Variants in PRKG1 observed in about 807,000 individuals in gnomAD.
The protein encoded by PRKG1 is protein kinase cGMP-dependent 1.
PRKG1 carries 35 observed loss-of-function variants against 88.1 expected under a neutral mutation model. The ratio of observed to expected loss-of-function variants is 0.40; its 90% confidence interval spans 0.30 to 0.53. The LOEUF (loss-of-function observed/expected upper bound fraction) is 0.53. Among genes scored for constraint, PRKG1 ranks in the 20% least tolerant of loss-of-function variants. The pLI, the probability that PRKG1 is intolerant of heterozygous loss-of-function variation, is 0.59. For missense variants in PRKG1, 540 were observed against 839.8 expected, an observed-to-expected ratio of 0.64 and a Z score of 4.41; for synonymous variants, 303 against 292.5, an observed-to-expected ratio of 1.04 and a Z score of -0.37.
intron 2 of PRKG1, among the ~76,000 whole-genome samples, chr10:51,409,655 T>C (rs1006094732): frequency 3.3e-5 from 5 of 151,652 alleles, no homozygotes; most frequent in African/African-American, 9.7e-5. Context: ...GAGATCAAGA[T>C]CATCCTGGTC....
chr10:51,770,000 G>A (rs1194073612), intron 3 of PRKG1, among the ~76,000 whole-genome samples: 2 of 152,210 alleles, frequency 1.3e-5, no homozygotes, highest in Non-Finnish European at 2.9e-5. Flanking sequence ...ATCCTGTTGT[G>A]CCAGTCTTCC....
chr10:51,502,060 C>CA (rs919753658), intron 3 of PRKG1, among the ~76,000 whole-genome samples: 5 of 151,874 alleles, frequency 3.3e-5, no homozygotes, highest in African/African-American at 4.8e-5. Flanking sequence ...CACAAATAAA[C>CA]AAAAAAATAC....
chr10:52,265,219 T>TTAAC (rs1386487429), intron 10 of PRKG1, among the ~76,000 whole-genome samples: 11 of 152,184 alleles, frequency 7.2e-5, no homozygotes, highest in South Asian at 2.1e-4. Flanking sequence ...TATGTTTTCC[T>TTAAC]TAACTCCCTT....
At chr10:52,273,543 C>T (rs895112927) in intron 12 of PRKG1, among the ~76,000 whole-genome samples, 51 of 152,058 alleles carry the variant, frequency 3.4e-4, no homozygotes, top group African/African-American at 1.2e-3. Flanking sequence ...TTTAAATTCT[C>T]ATTCCTAATG....
chr10:51,007,290 T>C (rs1842951414), intron 1 of PRKG1, among the ~76,000 whole-genome samples: 1 of 152,198 alleles, frequency 6.6e-6, no homozygotes, highest in East Asian at 1.9e-4. Context: ...GTGTTCCTGA[T>C]GCTGCTGGTC....
intron 4 of PRKG1, among the ~76,000 whole-genome samples, chr10:51,852,068 GT>G (rs1183447344): frequency 6.6e-6 from 1 of 151,224 alleles, no homozygotes; most frequent in African/African-American, 2.4e-5. Flanking sequence ...AAAAAACAAT[GT>G]TTAGGCAAAT....
At chr10:51,589,759 T>C (rs535249137) in intron 3 of PRKG1, among the ~76,000 whole-genome samples, 10 of 152,350 alleles carry the variant, frequency 6.6e-5, no homozygotes, top group Non-Finnish European at 1.3e-4. Context: ...AGTGCAAAAC[T>C]TGTAAGAAAG....
At chr10:51,812,131 A>C (rs1839472533) in intron 4 of PRKG1, among the ~76,000 whole-genome samples, 1 of 152,210 alleles carries the variant, frequency 6.6e-6, no homozygotes, top group African/African-American at 2.4e-5. Flanking sequence ...TATTTATCAA[A>C]ATAGGAACCA....
chr10:51,307,140 T>C (rs1841059886), intron 2 of PRKG1, among the ~76,000 whole-genome samples: 1 of 152,080 alleles, frequency 6.6e-6, no homozygotes, highest in African/African-American at 2.4e-5. Flanking sequence ...AGTGTTAATA[T>C]ATTATATATT....
chr10:51,236,830 G>T (rs904821156), intron 2 of PRKG1, among the ~76,000 whole-genome samples: 5 of 152,048 alleles, frequency 3.3e-5, no homozygotes, highest in Non-Finnish European at 5.9e-5. Flanking sequence ...CCAGTTTTGT[G>T]AGATGCCAGT....
intron 1 of PRKG1, among the ~76,000 whole-genome samples, chr10:51,109,646 A>G (rs1001461438): frequency 2.6e-5 from 4 of 152,144 alleles, no homozygotes; most frequent in Admixed American, 2.6e-4. Flanking sequence ...TAAACCTTCC[A>G]TCTTTTAGAA....
chr10:51,108,094 A>G (rs544055608), intron 1 of PRKG1, among the ~76,000 whole-genome samples: 2 of 152,282 alleles, frequency 1.3e-5, no homozygotes, highest in South Asian at 4.1e-4. Context: ...CTATCAAATA[A>G]ATTAAGTTTA....
chr10:51,643,121 TA>T (rs143161990), intron 3 of PRKG1, among the ~76,000 whole-genome samples: 1 of 151,916 alleles, frequency 6.6e-6, no homozygotes, highest in Admixed American at 6.6e-5. Flanking sequence ...ATGCTTGAGT[TA>T]AAAAAATTAG....
chr10:51,362,827 G>C (rs1588882258), intron 2 of PRKG1, among the ~76,000 whole-genome samples: 1 of 151,666 alleles, frequency 6.6e-6, no homozygotes, highest in South Asian at 2.1e-4. Flanking sequence ...CCTTCCCTGT[G>C]TCCATGTGTT....
intron 10 of PRKG1, among the ~76,000 whole-genome samples, chr10:52,259,540 T>G (rs1841385254): frequency 6.6e-6 from 1 of 152,084 alleles, no homozygotes; most frequent in Non-Finnish European, 1.5e-5. Context: ...TATTGCTAAT[T>G]AGTACTTGGT....
chr10:51,483,491 C>T (rs1171667565), intron 3 of PRKG1, among the ~76,000 whole-genome samples: 2 of 152,160 alleles, frequency 1.3e-5, no homozygotes, highest in African/African-American at 4.8e-5. Context: ...ATTTGTATCT[C>T]AATCTGAATA....
chr10:51,229,828 G>C (rs1838787508), intron 2 of PRKG1, among the ~76,000 whole-genome samples: 1 of 151,168 alleles, frequency 6.6e-6, no homozygotes, highest in Non-Finnish European at 1.5e-5. Flanking sequence ...TTGGGAAGCT[G>C]AGGTTGGAGG....
intron 8 of PRKG1, among the ~76,000 whole-genome samples, chr10:52,147,701 A>G (rs964719124): frequency 6.6e-6 from 1 of 152,234 alleles, no homozygotes; most frequent in Non-Finnish European, 1.5e-5. Flanking sequence ...ATAAGGCAGT[A>G]GAAGTAGAAA....
chr10:52,016,195 G>A (rs1023068749), intron 5 of PRKG1, among the ~76,000 whole-genome samples: 1 of 152,086 alleles, frequency 6.6e-6, no homozygotes, highest in African/African-American at 2.4e-5. Flanking sequence ...CCTAAGAGTG[G>A]GTAATTTATA....
Sources: allele counts gnomAD v4.1 joint callset (sites outside exome capture counted in the v4.1 genomes callset), GRCh38; gene constraint gnomAD v4.1.1; transcripts MANE v1.5; gene names NCBI Gene and HGNC (gene_info 2026-07-23, HGNC 2026-07-21).